NYAP2: variants seen among roughly 807,000 people sequenced by gnomAD.
NYAP2 encodes neuronal tyrosine-phosphorylated phosphoinositide-3-kinase adaptor 2.
NYAP2 carries 23 observed loss-of-function variants against 50.4 expected under a neutral mutation model. That is an observed-to-expected ratio of 0.46 (90% CI 0.33 to 0.65). NYAP2 has a LOEUF of 0.65. NYAP2 is among the 30% of genes least tolerant of loss of function. NYAP2 has a pLI of 0.02. For missense variants in NYAP2, 885 were observed against 861.0 expected (o/e 1.03, Z -0.35); for synonymous variants, 394 against 365.2 (o/e 1.08, Z -0.90).
chr2:225,617,808 A>C (rs1350047426), intron 5 of NYAP2, among the ~76,000 whole-genome samples: 3 of 152,226 alleles, frequency 2.0e-5, no homozygotes, highest in African/African-American at 7.2e-5. Flanking sequence ...CTGCAGGGAA[A>C]CATTGGAGAG....
chr2:225,520,615 C>G (rs1691035132), intron 4 of NYAP2, among the ~76,000 whole-genome samples: 1 of 152,208 alleles, frequency 6.6e-6, no homozygotes, highest in Admixed American at 6.5e-5. Flanking sequence ...GGGCTCTGTT[C>G]TGTTCCATTG....
chr2:225,530,442 C>T (rs1222504559), intron 4 of NYAP2, among the ~76,000 whole-genome samples: 2 of 152,188 alleles, frequency 1.3e-5, no homozygotes, highest in Non-Finnish European at 2.9e-5. Flanking sequence ...CCTTTTATCC[C>T]TATCCTTTGG....
intron 6 of NYAP2, among the ~76,000 whole-genome samples, chr2:225,639,389 T>G (rs1190950392): frequency 1.3e-5 from 2 of 152,232 alleles, no homozygotes; most frequent in Non-Finnish European, 2.9e-5. Flanking sequence ...CCAGAGCTTT[T>G]AAAATGCCTT....
At chr2:225,608,158 T>C (rs1253346221) in intron 5 of NYAP2, among the ~76,000 whole-genome samples, 1 of 152,212 alleles carries the variant, frequency 6.6e-6, no homozygotes, top group East Asian at 1.9e-4. Context: ...TTCTGTGGCA[T>C]TGGATGCAAA....
intron 3 of NYAP2, among the ~76,000 whole-genome samples, chr2:225,453,256 A>T (rs1689682645): frequency 6.6e-6 from 1 of 152,248 alleles, no homozygotes. Flanking sequence ...TAAACAGGGA[A>T]ACATATTGAC....
the NYAP2 span, chr2:225,701,929 A>G: frequency 6.6e-6 from 1 of 151,776 alleles, no homozygotes; most frequent in Non-Finnish European, 1.5e-5. Flanking sequence ...AAATCTAGTG[A>G]CTACGTCAAT....
At chr2:225,558,651 CA>C in intron 4 of NYAP2, among the ~76,000 whole-genome samples, 1 of 152,244 alleles carries the variant, frequency 6.6e-6, no homozygotes, top group East Asian at 1.9e-4. Context: ...TAACCATAAT[CA>C]CATCTGTTGA....
intron 3 of NYAP2, among the ~76,000 whole-genome samples, chr2:225,482,607 C>G (rs368693452): frequency 6.6e-6 from 1 of 152,134 alleles, no homozygotes; most frequent in South Asian, 2.1e-4. Flanking sequence ...TTCTCATTCT[C>G]TCCTTACTCA....
At chr2:225,626,730 C>T (rs1693215872) in intron 5 of NYAP2, among the ~76,000 whole-genome samples, 187 bp from the exon 6 acceptor site, 1 of 152,140 alleles carries the variant, frequency 6.6e-6, no homozygotes. Flanking sequence ...GAGATACTAG[C>T]CTACACAACT....
At chr2:225,571,968 T>G (rs1692080551) in intron 4 of NYAP2, among the ~76,000 whole-genome samples, 2 of 152,200 alleles carry the variant, frequency 1.3e-5, no homozygotes, top group African/African-American at 4.8e-5. Context: ...AAGTTCAAAG[T>G]TCCACAGATC....
chr2:225,651,544 A>G lies in NYAP2; in HGVS notation c.1941A>G (p.Ser647=), dbSNP rs1445889432. 1.9e-6 allele frequency: 3 copies of G among 1,613,866 alleles called. No individual in the cohort carries two copies. Among genetic ancestry groups the G allele is most frequent in the Admixed American group, 3.3e-5 (2 of 59,984 alleles). Residue 647 remains serine, a synonymous_variant, in exon 7 of 7, where the codon TCA becomes TCG. Coordinates refer to ENST00000636099, the Ensembl canonical transcript of NYAP2. ...ACCTGCAACAGAGCCAGGTACCATC[A>G]TCGTTAGCCAATCGTGATTGACTTC...
chr2:225,693,937 C>T, the NYAP2 span, among the ~76,000 whole-genome samples: 8 of 152,048 alleles, frequency 5.3e-5, no homozygotes, highest in East Asian at 3.9e-4. Context: ...TGAAATTTCA[C>T]CTCCTAGACA....
chr2:225,649,771 A>G (rs948664329), intron 6 of NYAP2, among the ~76,000 whole-genome samples: 3 of 152,232 alleles, frequency 2.0e-5, no homozygotes, highest in African/African-American at 7.2e-5. Context: ...TTCCTGGCAC[A>G]TAGTAGGCAT....
intron 3 of NYAP2, among the ~76,000 whole-genome samples, chr2:225,481,834 C>T (rs1690211594): frequency 6.6e-6 from 1 of 151,994 alleles, no homozygotes; most frequent in African/African-American, 2.4e-5. Flanking sequence ...CTAGTTTGGT[C>T]CAACATTGTG....
intron 5 of NYAP2, among the ~76,000 whole-genome samples, chr2:225,612,849 T>TTA (rs1692923194): frequency 7.2e-6 from 1 of 139,138 alleles, no homozygotes; most frequent in Non-Finnish European, 1.6e-5. Context: ...TGTGATGACA[T>TTA]CACATCTGGG....
chr2:225,436,978 T>C (rs1574613963), intron 3 of NYAP2, among the ~76,000 whole-genome samples: 1 of 151,830 alleles, frequency 6.6e-6, no homozygotes, highest in Admixed American at 6.6e-5. Flanking sequence ...TTGGCTTGAG[T>C]AGCCATAGAA....
chr2:225,649,666 G>A (rs956593297), intron 6 of NYAP2, among the ~76,000 whole-genome samples: 5 of 152,138 alleles, frequency 3.3e-5, no homozygotes, highest in Non-Finnish European at 7.3e-5. Context: ...CATTGTGCCT[G>A]GCCCATCATT....
At chr2:225,656,191 A>G (rs1186259704), downstream of NYAP2, among the ~76,000 whole-genome samples, 2 of 151,970 alleles carry the variant, frequency 1.3e-5, no homozygotes, top group South Asian at 2.1e-4. Flanking sequence ...TGACAGACCA[A>G]ATCTCTTTAG....
intron 3 of NYAP2, among the ~76,000 whole-genome samples, chr2:225,491,214 A>G (rs534946957): frequency 1.5e-4 from 23 of 152,364 alleles, no homozygotes; most frequent in African/African-American, 5.5e-4. Flanking sequence ...GCTTAATTAC[A>G]TGAGCAATAA....
Sources: allele counts gnomAD v4.1 joint callset (sites outside exome capture counted in the v4.1 genomes callset), GRCh38; gene constraint gnomAD v4.1.1; transcripts MANE v1.5; gene names NCBI Gene and HGNC (gene_info 2026-07-23, HGNC 2026-07-21).